The following LRRTM3 variants were observed in gnomAD, a reference collection of about 807,000 sequenced individuals.
LRRTM3 encodes the protein leucine rich repeat transmembrane neuronal 3, also known as leucine-rich repeat transmembrane neuronal protein 3.
Under a neutral mutation model 44.7 loss-of-function variants are expected in LRRTM3, and 24 were observed. That is an observed-to-expected ratio of 0.54 (90% CI 0.39 to 0.76). LRRTM3 has a LOEUF of 0.76. Ranked by LOEUF, LRRTM3 falls within the 30% of genes least tolerant of loss-of-function variation. The pLI is 0.00. For synonymous variants in LRRTM3, 277 were observed against 278.7 expected (o/e 0.99, Z 0.06); for missense variants, 587 against 702.2 (o/e 0.84, Z 1.85).
intron 2 of LRRTM3, among the ~76,000 whole-genome samples, chr10:67,076,955 C>T (rs571590674): frequency 7.1e-4 from 108 of 152,332 alleles, no homozygotes; most frequent in African/African-American, 2.5e-3. Flanking sequence ...GTCTTTATCA[C>T]GTCTAACACC....
intron 2 of LRRTM3, among the ~76,000 whole-genome samples, chr10:66,959,569 T>C (rs1849006865): frequency 1.3e-5 from 2 of 152,118 alleles, no homozygotes; most frequent in South Asian, 4.1e-4. Context: ...TTAACCTCTC[T>C]GGGAAATCTG....
chr10:67,068,253 A>G (rs550642481), intron 2 of LRRTM3, among the ~76,000 whole-genome samples: 115 of 152,308 alleles, frequency 7.6e-4, no homozygotes, highest in Non-Finnish European at 1.3e-3. Flanking sequence ...GAGGAAAGGG[A>G]GGGATTGGAG....
chr10:67,026,583 C>T (rs924288240), intron 2 of LRRTM3, among the ~76,000 whole-genome samples: 3 of 151,982 alleles, frequency 2.0e-5, no homozygotes, highest in African/African-American at 4.8e-5. Context: ...ATATATTAGT[C>T]AAAATTATCT....
intron 2 of LRRTM3, among the ~76,000 whole-genome samples, chr10:66,934,849 T>C (rs1375096355): frequency 6.6e-6 from 1 of 152,164 alleles, no homozygotes; most frequent in Non-Finnish European, 1.5e-5. Context: ...ATTACATCTA[T>C]GCAGGGTGGA....
At chr10:67,075,684 C>T (rs182879032) in intron 2 of LRRTM3, among the ~76,000 whole-genome samples, 2 of 152,288 alleles carry the variant, frequency 1.3e-5, no homozygotes, top group East Asian at 3.9e-4. Context: ...CGTAAGTGCC[C>T]ACTACTATTA....
intron 2 of LRRTM3, among the ~76,000 whole-genome samples, chr10:66,935,983 A>G (rs1249055035): frequency 6.6e-6 from 1 of 152,248 alleles, no homozygotes; most frequent in African/African-American, 2.4e-5. Flanking sequence ...TTACCATTAG[A>G]ACATCCCTCT....
intron 2 of LRRTM3, among the ~76,000 whole-genome samples, chr10:67,029,214 G>A (rs754797591): frequency 3.9e-5 from 6 of 152,136 alleles, no homozygotes; most frequent in Non-Finnish European, 7.4e-5. Flanking sequence ...ATTTGAAAAG[G>A]TTCACTAATG....
At chr10:67,011,305 C>A (rs1007544387) in intron 2 of LRRTM3, among the ~76,000 whole-genome samples, 12 of 148,446 alleles carry the variant, frequency 8.1e-5, no homozygotes, top group African/African-American at 3.0e-4. Context: ...CATGCCACTG[C>A]ACTCCAGCCT....
At chr10:66,929,561 C>A (rs1301106505) in intron 2 of LRRTM3, among the ~76,000 whole-genome samples, 1 of 152,122 alleles carries the variant, frequency 6.6e-6, no homozygotes, top group Admixed American at 6.5e-5. Flanking sequence ...CACCCACAGC[C>A]TCATTGAAAA....
At chr10:67,066,890 G>A (rs991486690) in intron 2 of LRRTM3, among the ~76,000 whole-genome samples, 1 of 152,134 alleles carries the variant, frequency 6.6e-6, no homozygotes, top group Non-Finnish European at 1.5e-5. Flanking sequence ...AAGGGTAATG[G>A]TAAATTAATA....
intron 2 of LRRTM3, among the ~76,000 whole-genome samples, chr10:67,088,952 A>T (rs1857463383): frequency 6.6e-6 from 1 of 152,080 alleles, no homozygotes; most frequent in Non-Finnish European, 1.5e-5. Context: ...ATTAAAATTA[A>T]TACGAATAGA....
chr10:67,043,708 C>G (rs1365552990), intron 2 of LRRTM3, among the ~76,000 whole-genome samples: 1 of 152,084 alleles, frequency 6.6e-6, no homozygotes, highest in Non-Finnish European at 1.5e-5. Flanking sequence ...AAGGAATCAT[C>G]CATCTTTATA....
At chr10:66,998,773 A>T (rs1485525130) in intron 2 of LRRTM3, among the ~76,000 whole-genome samples, 2 of 152,176 alleles carry the variant, frequency 1.3e-5, no homozygotes, top group Non-Finnish European at 2.9e-5. Flanking sequence ...ATTTCAATGC[A>T]CTTTTCTTAT....
At chr10:67,094,690 A>G (rs1282449252) in intron 2 of LRRTM3, among the ~76,000 whole-genome samples, 1 of 151,772 alleles carries the variant, frequency 6.6e-6, no homozygotes, top group African/African-American at 2.4e-5. Flanking sequence ...GGAAGAAATG[A>G]CTTAAATTTA....
intron 2 of LRRTM3, among the ~76,000 whole-genome samples, chr10:67,023,667 A>T (rs779065131): frequency 1.1e-4 from 16 of 152,222 alleles, no homozygotes; most frequent in Non-Finnish European, 1.9e-4. Context: ...CTATGGAGAA[A>T]AATTGAGTCA....
intron 2 of LRRTM3, among the ~76,000 whole-genome samples, chr10:66,966,971 G>C (rs1318605346): frequency 2.6e-5 from 4 of 151,860 alleles, no homozygotes; most frequent in Admixed American, 2.6e-4. Context: ...GGATATCATG[G>C]CCTATCTTAC....
At chr10:66,976,727 A>C (rs1850054713) in intron 2 of LRRTM3, among the ~76,000 whole-genome samples, 1 of 152,132 alleles carries the variant, frequency 6.6e-6, no homozygotes, top group Non-Finnish European at 1.5e-5. Flanking sequence ...TTATTCTCTG[A>C]ACTTAGTGCT....
chr10:67,073,660 C>A, intron 2 of LRRTM3, among the ~76,000 whole-genome samples: 1 of 149,956 alleles, frequency 6.7e-6, no homozygotes, highest in African/African-American at 2.5e-5. Context: ...AATAGAGATA[C>A]AAAAGAAGTT....
At chr10:67,035,253 T>C (rs1853975362) in intron 2 of LRRTM3, among the ~76,000 whole-genome samples, 1 of 152,202 alleles carries the variant, frequency 6.6e-6, no homozygotes, top group Non-Finnish European at 1.5e-5. Flanking sequence ...TAAGTAAAAC[T>C]ATGATTTAAA....
Sources: gnomAD v4.1 joint callset for allele counts (sites outside exome capture counted in the v4.1 genomes callset) on GRCh38, gnomAD v4.1.1 for gene constraint, MANE v1.5 for transcripts, NCBI Gene and HGNC (gene_info 2026-07-23, HGNC 2026-07-21) for gene names.